The following PLEKHG7 variants were observed in gnomAD, a reference collection of about 807,000 sequenced individuals.
PLEKHG7 encodes pleckstrin homology and RhoGEF domain containing G7, also known as pleckstrin homology domain-containing family G member 7.
A neutral mutation model predicts 85.2 loss-of-function variants in PLEKHG7; 77 were observed. The ratio of observed to expected loss-of-function variants is 0.90; its 90% CI spans 0.75 to 1.09. The LOEUF (loss-of-function observed/expected upper bound fraction) is 1.09, where lower values mean the gene tolerates loss of function less well. Among genes scored for constraint, PLEKHG7 ranks in the 50% least tolerant of loss-of-function variants. The pLI is 0.00. For missense variants in PLEKHG7, 777 were observed against 804.3 expected, an observed-to-expected ratio of 0.97 and a Z score of 0.41; for synonymous variants, 301 against 302.4, an observed-to-expected ratio of 1.00 and a Z score of 0.05.
At chr12:92,755,189 A>T (rs935737484) in intron 11 of PLEKHG7, among the ~76,000 whole-genome samples, 1 of 152,144 alleles carries the variant, frequency 6.6e-6, no homozygotes, top group African/African-American at 2.4e-5. Flanking sequence ...ATGGATTCTC[A>T]TTGTTGAGGG....
intron 10 of PLEKHG7, among the ~76,000 whole-genome samples, chr12:92,749,115 C>T (rs943038001): frequency 2.0e-5 from 3 of 151,968 alleles, no homozygotes; most frequent in East Asian, 1.9e-4. Context: ...TCTTGGAGAA[C>T]GTAAACCTAT....
intron 4 of PLEKHG7, among the ~76,000 whole-genome samples, chr12:92,729,435 T>C (rs1871918292): frequency 6.7e-6 from 1 of 148,680 alleles, no homozygotes; most frequent in Non-Finnish European, 1.5e-5. Context: ...CAGAGTGCCC[T>C]CTCTAGGCTG....
chr12:92,730,296 T>C (rs1010322229), intron 4 of PLEKHG7, among the ~76,000 whole-genome samples: 4 of 152,214 alleles, frequency 2.6e-5, no homozygotes, highest in Admixed American at 2.6e-4. Context: ...CTAAACACAA[T>C]GTGGCCTTAA....
At chr12:92,707,803 T>C in intron 3 of PLEKHG7, 131 bp downstream of exon 3, 1 of 1,486,816 alleles carries the variant, frequency 6.7e-7, no homozygotes, top group South Asian at 1.2e-5. Flanking sequence ...AGCACTCAAG[T>C]CACTCTTCGC....
intron 7 of PLEKHG7, among the ~76,000 whole-genome samples, chr12:92,738,398 T>C (rs1872245264): frequency 6.6e-6 from 1 of 152,210 alleles, no homozygotes. Flanking sequence ...AAAGGCACTG[T>C]GCTGGCAGAT....
intron 3 of PLEKHG7, chr12:92,707,882 C>A: frequency 2.7e-6 from 2 of 729,804 alleles, no homozygotes; most frequent in Admixed American, 2.6e-5. Flanking sequence ...GGGCAGGATA[C>A]AATGCCATAT....
chr12:92,712,925 G>C (rs1015349470), intron 3 of PLEKHG7, among the ~76,000 whole-genome samples: 1 of 152,222 alleles, frequency 6.6e-6, no homozygotes, highest in Admixed American at 6.5e-5. Context: ...ATGATGTTTT[G>C]GGTTCCCTGG....
At chr12:92,717,688 C>A (rs538126167) in intron 3 of PLEKHG7, among the ~76,000 whole-genome samples, 3 of 152,302 alleles carry the variant, frequency 2.0e-5, no homozygotes, top group Admixed American at 2.0e-4. Context: ...TACCATAACA[C>A]GGTGTACAGG....
chr12:92,739,076 TC>T (rs1872269550), intron 7 of PLEKHG7, among the ~76,000 whole-genome samples: 3 of 152,208 alleles, frequency 2.0e-5, no homozygotes, highest in African/African-American at 7.2e-5. Flanking sequence ...CAACATTTCT[TC>T]CCATCTCTCA....
intron 9 of PLEKHG7, 38 bp from the exon 10 acceptor site, chr12:92,745,440 C>G: frequency 7.2e-7 from 1 of 1,383,416 alleles, no homozygotes. Context: ...CTCTCCTTAA[C>G]TTGTGTTCAT....
intron 5 of PLEKHG7, 79 bp from the exon 6 acceptor site, chr12:92,736,403 G>A (rs879797282): frequency 1.9e-5 from 17 of 892,820 alleles, no homozygotes; most frequent in Admixed American, 4.3e-5. Flanking sequence ...GGGAATGAAC[G>A]AAAGATGCCA....
At chr12:92,717,669 A>G (rs905987911) in intron 3 of PLEKHG7, among the ~76,000 whole-genome samples, 2 of 152,164 alleles carry the variant, frequency 1.3e-5, no homozygotes, top group Admixed American at 6.5e-5. Flanking sequence ...TGCTGCCTAC[A>G]TTATTCAGTA....
In PLEKHG7 at chr12:92,760,172, T is replaced by G. The variant is rs538981050; in HGVS notation, c.1637-1580T>G. Among the ~76,000 whole-genome samples the G allele has an allele frequency of 4.6e-5, 7 of 152,320 alleles. No individual in the cohort carries two copies. The South Asian group carries it at 1.5e-3, about 32-fold the overall frequency. On this transcript the variant is annotated intron_variant, in intron 13 of 16. Transcript: ENST00000344636. ...GTCAGAATTTAGCTCCTTGGTCATA[T>G]TCAGCAGCAAGGAAATGTAGTCTCT... is the stretch of plus-strand genomic sequence containing the variant.
chr12:92,753,246 C>T (rs1872740117), intron 10 of PLEKHG7, among the ~76,000 whole-genome samples: 1 of 152,100 alleles, frequency 6.6e-6, no homozygotes, highest in African/African-American at 2.4e-5. Flanking sequence ...CTGATGTACC[C>T]ATCTGCATGC....
At chr12:92,734,376 G>A (rs1476117716) in intron 5 of PLEKHG7, among the ~76,000 whole-genome samples, 1 of 151,828 alleles carries the variant, frequency 6.6e-6, no homozygotes, top group Non-Finnish European at 1.5e-5. Flanking sequence ...ATAACGTTTA[G>A]CACATTACCA....
intron 3 of PLEKHG7, among the ~76,000 whole-genome samples, chr12:92,715,138 G>A (rs1261108244): frequency 6.6e-6 from 1 of 152,212 alleles, no homozygotes; most frequent in Non-Finnish European, 1.5e-5. Context: ...TGCGGAGCAA[G>A]GAGAGCCAGT....
chr12:92,727,976 A>ATG, intron 3 of PLEKHG7, among the ~76,000 whole-genome samples: 1 of 144,506 alleles, frequency 6.9e-6, no homozygotes, highest in African/African-American at 2.5e-5. Context: ...ATATATATAT[A>ATG]CACATATATA....
chr12:92,716,474 C>A (rs1871497089), intron 3 of PLEKHG7, among the ~76,000 whole-genome samples: 1 of 152,162 alleles, frequency 6.6e-6, no homozygotes, highest in South Asian at 2.1e-4. Context: ...AACTGGAAAA[C>A]CCTTGCTCTC....
At chr12:92,749,926 A>ATTTATTTTATAT (rs1872640563) in intron 10 of PLEKHG7, among the ~76,000 whole-genome samples, 4 of 105,270 alleles carry the variant, frequency 3.8e-5, no homozygotes, top group African/African-American at 1.6e-4. Flanking sequence ...ATTTTATTTT[A>ATTTATTTTATAT]TTTATTTTAT....
Sources: allele counts gnomAD v4.1 joint callset (sites outside exome capture counted in the v4.1 genomes callset), GRCh38; gene constraint gnomAD v4.1.1; transcripts MANE v1.5; gene names NCBI Gene and HGNC (gene_info 2026-07-23, HGNC 2026-07-21).